Variants in ANXA3 observed in about 807,000 individuals in gnomAD.
The protein encoded by ANXA3 is annexin A3.
ANXA3 carries 46 observed loss-of-function variants against 48.8 expected under a neutral mutation model. That is an observed-to-expected ratio of 0.94 (90% CI 0.74 to 1.21). ANXA3 has a LOEUF of 1.21. ANXA3 is among the 50% of genes most tolerant of loss of function. The probability of loss-of-function intolerance (pLI) is 0.00; values close to 1 mark genes in which losing one functional copy is unlikely to be tolerated. For synonymous variants in ANXA3, 128 were observed against 134.7 expected, an observed-to-expected ratio of 0.95 and a Z score of 0.35; for missense variants, 383 against 378.6, an observed-to-expected ratio of 1.01 and a Z score of -0.10.
rs947658492 is a variant in ANXA3 at position 78,601,405 on chromosome 4, A to G, written c.731-105A>G. 48 of 993,122 alleles carry G rather than the reference A, an allele frequency of 4.8e-5. No homozygotes were observed. The African/African-American group carries it at 6.5e-4, about 13-fold the overall frequency. The allele number at this position is 993,122 out of a possible 1,614,324, so 61.5% of individuals were successfully genotyped here. The stretch of plus-strand genomic sequence containing the variant: ...AAAGCCAGTTGTGGGGAGGGGATAG[A>G]GTGGTATGACAGTCCAAAGAATCTT... On this transcript the variant is annotated intron_variant, in intron 10 of 12. Coordinates refer to ENST00000264908, the MANE Select transcript of ANXA3 (RefSeq NM_005139.3).
chr4:78,599,170 G>T (rs1174656975), intron 10 of ANXA3, among the ~76,000 whole-genome samples: 3 of 152,130 alleles, frequency 2.0e-5, no homozygotes, highest in Non-Finnish European at 4.4e-5. Context: ...CTCAAAGTGT[G>T]CAATTCAATG....
chr4:78,595,369 C>G lies in ANXA3; in HGVS notation c.484-12C>G. ...TTTAAAGGATGGCCCTTGTTTTCGTCCTCCTGTTTAGGGCAGAAGAGATGA... is the reference window on the plus strand; with the variant it reads ...TTTAAAGGATGGCCCTTGTTTTCGTGCTCCTGTTTAGGGCAGAAGAGATGA... On this transcript the variant is annotated splice_polypyrimidine_tract_variant and intron_variant, in intron 7 of 12. Transcript: ENST00000264908. The G allele has an allele frequency of 1.2e-6, 2 of 1,613,814 alleles. No homozygotes were observed. Among genetic ancestry groups the G allele is most frequent in the Non-Finnish European group, 1.7e-6 (2 of 1,179,818 alleles).
intron 6 of ANXA3, among the ~76,000 whole-genome samples, chr4:78,591,237 TA>T (rs1723289296): frequency 1.3e-5 from 2 of 152,220 alleles, no homozygotes; most frequent in Admixed American, 1.3e-4. Context: ...GGCACACTAG[TA>T]GCTCATCCAC....
At chr4:78,562,069 A>G (rs1211132995) in intron 2 of ANXA3, among the ~76,000 whole-genome samples, 2 of 152,214 alleles carry the variant, frequency 1.3e-5, no homozygotes, top group Non-Finnish European at 2.9e-5. Context: ...TGATAAAACT[A>G]TAGTATGCAA....
chr4:78,585,809 A>T (rs17003369), intron 5 of ANXA3, among the ~76,000 whole-genome samples: 1,760 of 152,320 alleles, frequency 0.012, 38 homozygotes, highest in African/African-American at 0.04. Flanking sequence ...CAGGCCCATG[A>T]TGCACATTAC....
chr4:78,595,693 T>C, intron 8 of ANXA3, 101 bp from the exon 9 acceptor site: 8 of 794,894 alleles, frequency 1.0e-5, no homozygotes, highest in East Asian at 2.7e-5. Context: ...ATTTAGATAA[T>C]AGATGATGGC....
chr4:78,589,492 A>C (rs1189315100), intron 6 of ANXA3, among the ~76,000 whole-genome samples: 1 of 152,182 alleles, frequency 6.6e-6, no homozygotes, highest in Non-Finnish European at 1.5e-5. Flanking sequence ...GCAGGCATCC[A>C]TTGCTCCCCA....
chr4:78,581,271 G>A (rs1305887455), intron 4 of ANXA3, among the ~76,000 whole-genome samples: 1 of 152,072 alleles, frequency 6.6e-6, no homozygotes, highest in African/African-American at 2.4e-5. Flanking sequence ...TCAGGAGCAG[G>A]AACAAACATT....
chr4:78,610,261 A>G lies in ANXA3; in HGVS notation c.*146A>G. ...TTTTCATTGTTCTATAACAACAACA[A>G]CAAAAGCGATTATTATTTTAGAGCA... On this transcript the variant is annotated 3_prime_UTR_variant, in exon 13 of 13. Coordinates refer to ENST00000264908, the MANE Select transcript of ANXA3 (RefSeq NM_005139.3). 6.2e-6 allele frequency: 3 copies of G among 487,512 alleles called. No individual in the cohort carries two copies. Among genetic ancestry groups the G allele is most frequent in the Non-Finnish European group, 7.3e-6 (2 of 272,826 alleles). 30.2% of individuals were successfully genotyped at this position (487,512 alleles called of 1,614,324 possible). A position where few individuals can be genotyped will look rare whatever the true frequency, so the allele number is the denominator to read the frequency against.
Position 78,579,042 on chromosome 4 carries a change from T to C in ANXA3, c.119T>C (p.Met40Thr), listed in dbSNP as rs1466635457. 6.2e-7 allele frequency: 1 copy of C among 1,610,524 alleles called. No homozygotes were observed. The highest frequency in any genetic ancestry group is 1.7e-5 in the Admixed American group (1 of 59,964). Residue 40 changes from methionine (M) to threonine (T), a missense_variant, in exon 4 of 13, where the codon ATG (methionine) becomes ACG (threonine). By Grantham distance (81) the Met-to-Thr change is moderately conservative. Transcript: ENST00000264908. ...AIRGIGTDEKMLISILTERSN... is the reference protein window; with the variant it reads ...AIRGIGTDEKTLISILTERSN... ...TTTCATTTAGGAACTGATGAGAAAATGCTCATCAGCATTCTGACTGAGAGG... is the reference window on the plus strand; with the variant it reads ...TTTCATTTAGGAACTGATGAGAAAACGCTCATCAGCATTCTGACTGAGAGG...
intron 10 of ANXA3, among the ~76,000 whole-genome samples, chr4:78,598,688 C>G (rs978543489): frequency 6.6e-6 from 1 of 151,970 alleles, no homozygotes; most frequent in South Asian, 2.1e-4. Context: ...TACAGGCACA[C>G]GCCACCACGC....
intron 2 of ANXA3, among the ~76,000 whole-genome samples, chr4:78,558,509 CG>C (rs1722563053): frequency 6.6e-6 from 1 of 152,068 alleles, no homozygotes; most frequent in South Asian, 2.1e-4. Context: ...AAACTGTATA[CG>C]TGATTATGTG....
At chr4:78,593,214 CT>C (rs1263083950) in intron 7 of ANXA3, among the ~76,000 whole-genome samples, 2 of 148,670 alleles carry the variant, frequency 1.3e-5, no homozygotes, top group African/African-American at 4.9e-5. Context: ...TTTATTTTTT[CT>C]TTTTTGAGAC....
chr4:78,568,862 A>G (rs1722783238), intron 2 of ANXA3, among the ~76,000 whole-genome samples: 1 of 152,224 alleles, frequency 6.6e-6, no homozygotes, highest in Non-Finnish European at 1.5e-5. Context: ...CTTGAAAAAG[A>G]TGGTTTAAAT....
At chr4:78,605,358 T>A (rs1184512573) in intron 12 of ANXA3, among the ~76,000 whole-genome samples, 1 of 152,190 alleles carries the variant, frequency 6.6e-6, no homozygotes, top group East Asian at 1.9e-4. Flanking sequence ...TTTCTTAGTA[T>A]AAGTAAGGCT....
intron 5 of ANXA3, among the ~76,000 whole-genome samples, chr4:78,583,329 G>A (rs910736931): frequency 1.3e-5 from 2 of 151,626 alleles, no homozygotes; most frequent in Admixed American, 6.6e-5. Flanking sequence ...GTGACAGTGA[G>A]ACCCTGTCTC....
At position 78,586,334 on chromosome 4, in the gene ANXA3, T is replaced by C; in HGVS notation, c.387T>C (p.Ser129=). ...TRTSRQMKDI[S]QAYYTVYKKS... ...CAAGCAGGCAAATGAAGGATATCTCTCAAGCCTATTATACAGGTGTCTTAT... is the reference window on the plus strand; with the variant it reads ...CAAGCAGGCAAATGAAGGATATCTCCCAAGCCTATTATACAGGTGTCTTAT... The change falls in exon 6 of 13, where the codon TCT becomes TCC. Residue 129 remains serine, a synonymous_variant. Coordinates refer to ENST00000264908, the MANE Select transcript of ANXA3 (RefSeq NM_005139.3). The C allele has an allele frequency of 1.2e-6, 2 of 1,612,900 alleles. No homozygotes were observed. The highest frequency in any genetic ancestry group is 1.7e-6 in the Non-Finnish European group (2 of 1,179,136).
chr4:78,566,800 AC>A (rs1167265133), intron 2 of ANXA3, among the ~76,000 whole-genome samples: 1 of 152,142 alleles, frequency 6.6e-6, no homozygotes, highest in Non-Finnish European at 1.5e-5. Flanking sequence ...CTGCACTTGT[AC>A]CCCCTAAATA....
chr4:78,571,709 T>A (rs530651881), intron 2 of ANXA3, among the ~76,000 whole-genome samples: 1 of 152,354 alleles, frequency 6.6e-6, no homozygotes, highest in East Asian at 1.9e-4. Context: ...AACTACCACA[T>A]AAATCTACGT....
Sources: gnomAD v4.1 joint callset for allele counts (sites outside exome capture counted in the v4.1 genomes callset) on GRCh38, gnomAD v4.1.1 for gene constraint, MANE v1.5 for transcripts, NCBI Gene and HGNC (gene_info 2026-07-23, HGNC 2026-07-21) for gene names.